Variants in SUSD6 observed in about 807,000 individuals in gnomAD.
SUSD6 encodes the protein sushi domain-containing protein 6.
Under a neutral mutation model 28.4 loss-of-function variants are expected in SUSD6, and 16 were observed. The observed-to-expected ratio is 0.56, with a 90% CI of 0.38 to 0.86. The LOEUF is 0.86. SUSD6 is among the 40% of genes least tolerant of loss of function. SUSD6 has a pLI of 0.00. For synonymous variants in SUSD6, 147 were observed against 159.6 expected (o/e 0.92, Z 0.59); for missense variants, 341 against 384.2 (o/e 0.89, Z 0.94).
chr14:69,659,692 A>G (rs1885634859), intron 2 of SUSD6, among the ~76,000 whole-genome samples: 1 of 151,948 alleles, frequency 6.6e-6, no homozygotes, highest in Admixed American at 6.6e-5. Context: ...TAATTTTTTT[A>G]TTATTTAGTT....
chr14:69,702,342 C>T (rs61982060), intron 2 of SUSD6, among the ~76,000 whole-genome samples: 7,134 of 152,232 alleles, frequency 0.047, 212 homozygotes, highest in East Asian at 0.15. Flanking sequence ...TGGTAATACC[C>T]GGCAGTCCAC....
intron 1 of SUSD6, among the ~76,000 whole-genome samples, chr14:69,641,303 T>C (rs2139603107): frequency 6.7e-6 from 1 of 149,542 alleles, no homozygotes; most frequent in Non-Finnish European, 1.5e-5. Flanking sequence ...ATAATTTTCA[T>C]ATAATTTGGA....
In SUSD6 at chr14:69,714,627, C is replaced by T. The variant is rs1188100776; in HGVS notation, c.*3648C>T. ...ATATTTTGCTTGGCATATGTTTGGT[C>T]TGAATGGTGTAGTTGCTGGTTCCCT... On this transcript the variant is annotated 3_prime_UTR_variant, in exon 6 of 6. Coordinates refer to ENST00000342745, the MANE Select transcript of SUSD6 (RefSeq NM_014734.4). 1 of 152,226 alleles carries T rather than the reference C, an allele frequency of 6.6e-6. No individual in the cohort carries two copies. Among genetic ancestry groups the T allele is most frequent in the Non-Finnish European group, 1.5e-5 (1 of 68,100 alleles). The allele number at this position is 152,226 out of a possible 1,614,324, so 9.4% of individuals were successfully genotyped here.
intron 1 of SUSD6, among the ~76,000 whole-genome samples, chr14:69,614,131 G>A (rs552695433): frequency 1.2e-4 from 19 of 152,182 alleles, no homozygotes; most frequent in African/African-American, 2.4e-4. Flanking sequence ...GCAGTGGCAC[G>A]ATCTCGGCTC....
At chr14:69,674,687 C>T (rs538917709) in intron 2 of SUSD6, among the ~76,000 whole-genome samples, 2 of 152,222 alleles carry the variant, frequency 1.3e-5, no homozygotes, top group East Asian at 3.9e-4. Flanking sequence ...GCCTTTATTT[C>T]CCACCAGAGC....
chr14:69,675,393 C>T (rs1447450362), intron 2 of SUSD6, among the ~76,000 whole-genome samples: 2 of 152,194 alleles, frequency 1.3e-5, no homozygotes, highest in East Asian at 3.9e-4. Flanking sequence ...AGTGTGTTCC[C>T]AGCACCTCCT....
intron 1 of SUSD6, among the ~76,000 whole-genome samples, chr14:69,613,742 T>C (rs942160442): frequency 2.6e-5 from 4 of 152,212 alleles, no homozygotes; most frequent in Non-Finnish European, 5.9e-5. Flanking sequence ...TGAGTCCTGA[T>C]AGATAGGACT....
chr14:69,676,199 A>G (rs555713454), intron 2 of SUSD6, among the ~76,000 whole-genome samples: 4 of 152,254 alleles, frequency 2.6e-5, no homozygotes, highest in Admixed American at 6.5e-5. Flanking sequence ...CAAGACTTGA[A>G]TTGGGCATGG....
chr14:69,701,061 A>G lies in SUSD6; in HGVS notation c.122-2334A>G, dbSNP rs1339917575. ...AAATATATGTGTGCACTTAATGGTC[A>G]TATCCCTATTTGGCAAGAAGGACCT... On this transcript the variant is annotated intron_variant, in intron 2 of 5. Transcript: ENST00000342745. Among the ~76,000 whole-genome samples the G allele has an allele frequency of 2.0e-5, 3 of 152,216 alleles. No homozygotes were observed. In the East Asian group the frequency reaches 5.8e-4, roughly 29 times the overall value.
rs1219560979 is a variant in SUSD6 at position 69,708,835 on chromosome 14, C to T, written c.617C>T (p.Pro206Leu). ...VQIVLSEGSG[P>L]SGRSVPREQQ... ...ATTGTGCTGTCAGAAGGGTCTGGGC[C>T]CAGTGGGAGGAGCGTGCCAAGGGAG... Residue 206 changes from proline (P) to leucine (L), a missense_variant, in exon 5 of 6, where the codon CCC becomes CTC. Transcript: ENST00000342745. 6.2e-7 allele frequency: 1 copy of T among 1,614,068 alleles called. No homozygotes were observed. The highest frequency in any genetic ancestry group is 1.7e-5 in the Admixed American group (1 of 60,008).
chr14:69,659,595 G>A (rs1217974261), intron 2 of SUSD6, among the ~76,000 whole-genome samples: 1 of 152,170 alleles, frequency 6.6e-6, no homozygotes, highest in Non-Finnish European at 1.5e-5. Flanking sequence ...GTGGCTCACT[G>A]CAACCTCTGC....
At chr14:69,670,572 G>T in intron 2 of SUSD6, 1 of 451,540 alleles carries the variant, frequency 2.2e-6, no homozygotes, top group African/African-American at 2.0e-5. Flanking sequence ...CAGTGCCTTG[G>T]GCCAGACACG....
chr14:69,646,963 A>C (rs1885437328), intron 1 of SUSD6, among the ~76,000 whole-genome samples: 2 of 152,192 alleles, frequency 1.3e-5, no homozygotes, highest in African/African-American at 2.4e-5. Flanking sequence ...GGCTTCCCAA[A>C]GTGCTCGGAT....
At chr14:69,624,867 A>G (rs1019560795) in intron 1 of SUSD6, among the ~76,000 whole-genome samples, 3 of 152,224 alleles carry the variant, frequency 2.0e-5, no homozygotes, top group African/African-American at 2.4e-5. Context: ...CTGGATGTGA[A>G]TGGTAAAGGA....
intron 1 of SUSD6, among the ~76,000 whole-genome samples, chr14:69,621,230 A>G (rs1354230263): frequency 6.6e-6 from 1 of 152,228 alleles, no homozygotes; most frequent in Non-Finnish European, 1.5e-5. Context: ...TAACAAGTAT[A>G]GGAGGGCAGG....
intron 1 of SUSD6, among the ~76,000 whole-genome samples, chr14:69,612,253 C>T (rs1011744569): frequency 2.6e-5 from 4 of 152,154 alleles, no homozygotes; most frequent in African/African-American, 9.6e-5. Flanking sequence ...CCCAGCAAAG[C>T]TGCGGGGCTT....
At chr14:69,670,063 G>T (rs905886468) in intron 2 of SUSD6, among the ~76,000 whole-genome samples, 1 of 152,164 alleles carries the variant, frequency 6.6e-6, no homozygotes, top group Non-Finnish European at 1.5e-5. Flanking sequence ...GTTTTGGTAG[G>T]GTTGCTGTGG....
At chr14:69,676,041 T>C (rs1264696276) in intron 2 of SUSD6, among the ~76,000 whole-genome samples, 6 of 152,250 alleles carry the variant, frequency 3.9e-5, no homozygotes, top group Admixed American at 3.3e-4. Flanking sequence ...TTGGGTCTTG[T>C]ACAAGGAAGT....
intron 1 of SUSD6, among the ~76,000 whole-genome samples, chr14:69,652,402 G>T (rs1218488037): frequency 6.6e-6 from 1 of 152,018 alleles, no homozygotes; most frequent in Non-Finnish European, 1.5e-5. Context: ...ACCCAAGATT[G>T]TGCCACTCCC....
Sources: allele counts gnomAD v4.1 joint callset (sites outside exome capture counted in the v4.1 genomes callset), GRCh38; gene constraint gnomAD v4.1.1; transcripts MANE v1.5; gene names NCBI Gene and HGNC (gene_info 2026-07-23, HGNC 2026-07-21).